Variants in ZNF354A observed in about 807,000 individuals in gnomAD.
ZNF354A encodes zinc finger protein 354A.
Under a neutral mutation model 53.3 loss-of-function variants are expected in ZNF354A, and 25 were observed. The observed-to-expected ratio is 0.47, with a 90% CI of 0.34 to 0.66. ZNF354A has a LOEUF of 0.66. Ranked by LOEUF, ZNF354A falls within the 30% of genes least tolerant of loss-of-function variation. The probability of loss-of-function intolerance (pLI) is 0.01; values close to 1 mark genes in which losing one functional copy is unlikely to be tolerated. For synonymous variants in ZNF354A, 228 were observed against 249.0 expected, an observed-to-expected ratio of 0.92 and a Z score of 0.79; for missense variants, 586 against 716.8, an observed-to-expected ratio of 0.82 and a Z score of 2.08.
Position 178,713,130 on chromosome 5 carries a change from C to T in ZNF354A, c.748G>A (p.Ala250Thr). The T allele has an allele frequency of 6.2e-7, 1 of 1,614,074 alleles. No homozygotes were observed. The highest frequency in any genetic ancestry group is 8.5e-7 in the Non-Finnish European group (1 of 1,180,008). ...ATAAGAGCTGAACTTTGGCTAAAGGCTTTTGAACATTCTTTACACTTAAAT... is the reference window on the plus strand; with the variant it reads ...ATAAGAGCTGAACTTTGGCTAAAGGTTTTTGAACATTCTTTACACTTAAAT... ...KLFKCKECSK[A>T]FSQSSALIQH... The change falls in exon 5 of 5, where the codon GCC becomes ACC. Residue 250 changes from alanine to threonine, a missense_variant. Ala to Thr is a moderately conservative substitution (Grantham distance 58). Coordinates refer to ENST00000335815, the MANE Select transcript of ZNF354A (RefSeq NM_005649.3).
At position 178,713,306 on chromosome 5, in the gene ZNF354A, AT is replaced by A; in HGVS notation, c.571del (p.Ile191TyrfsTer72). ...ATTCTGTTTGAGGCTGTTTCCTTGTATTTCACATTTTGGTGGTGTTTTTTCT... is the reference window on the plus strand; with the variant it reads ...ATTCTGTTTGAGGCTGTTTCCTTGTATTCACATTTTGGTGGTGTTTTTTCT... ...PREKTPPKCE[I>X]QGNSLKQNSQ... On this transcript the variant is annotated frameshift_variant, in exon 5 of 5. Coordinates refer to ENST00000335815, the MANE Select transcript of ZNF354A (RefSeq NM_005649.3). LOFTEE classifies it high-confidence loss of function. 1 of 1,614,072 alleles carries A rather than the reference AT, an allele frequency of 6.2e-7. No homozygotes were observed. Among genetic ancestry groups the A allele is most frequent in the Non-Finnish European group, 8.5e-7 (1 of 1,180,014 alleles).
rs1052631310 is a variant in ZNF354A at position 178,711,741 on chromosome 5, T to G, written c.*319A>C. On this transcript the variant is annotated 3_prime_UTR_variant, in exon 5 of 5. Transcript: ENST00000335815. The stretch of plus-strand genomic sequence containing the variant: ...GCACACCTCCCCACCCACTCGGATA[T>G]CTGTTTCTGATGATCACGTGACATC... 1 of 201,010 alleles carries G rather than the reference T, an allele frequency of 5.0e-6. No individual in the cohort carries two copies. Among genetic ancestry groups the G allele is most frequent in the Non-Finnish European group, 1.0e-5 (1 of 98,402 alleles). 12.5% of individuals were successfully genotyped at this position (201,010 alleles called of 1,614,324 possible).
intron 4 of ZNF354A, among the ~76,000 whole-genome samples, chr5:178,713,855 G>A (rs1382050392): frequency 2.0e-5 from 3 of 152,076 alleles, no homozygotes; most frequent in African/African-American, 7.2e-5. Context: ...ATTTAAAGAG[G>A]GTGAGAAAGA....
In ZNF354A at chr5:178,730,605, C is replaced by G. The variant is rs1132325; in HGVS notation, c.-101G>C. The G allele has an allele frequency of 6.6e-6, 1 of 151,908 alleles. No homozygotes were observed. Among genetic ancestry groups the G allele is most frequent in the African/African-American group, 2.4e-5 (1 of 41,406 alleles). 9.4% of individuals were successfully genotyped at this position (151,908 alleles called of 1,614,324 possible). ...CCGCGCCTCCCCAGCCGCGAGGCTC[C>G]GGAACCGCCGGCCGGGATGCAGCCT... On this transcript the variant is annotated 5_prime_UTR_variant, in exon 1 of 5. Coordinates refer to ENST00000335815, the MANE Select transcript of ZNF354A (RefSeq NM_005649.3).
At chr5:178,730,014 C>A (rs1288217407) in intron 1 of ZNF354A, among the ~76,000 whole-genome samples, 1 of 152,060 alleles carries the variant, frequency 6.6e-6, no homozygotes, top group African/African-American at 2.4e-5. Flanking sequence ...CAGGCGCCCG[C>A]CACTACGCCC....
At chr5:178,726,089 G>T in intron 3 of ZNF354A, 1 of 438,164 alleles carries the variant, frequency 2.3e-6, no homozygotes, top group Non-Finnish European at 4.7e-6. Flanking sequence ...TGATCTGCCC[G>T]CCTCGGCCTC....
At chr5:178,718,392 T>C (rs1765753526) in intron 4 of ZNF354A, among the ~76,000 whole-genome samples, 1 of 152,212 alleles carries the variant, frequency 6.6e-6, no homozygotes, top group South Asian at 2.1e-4. Flanking sequence ...CACTTCCTGT[T>C]ATCAGGTCTA....
At chr5:178,713,738 G>A in intron 4 of ZNF354A, 117 bp from the exon 5 acceptor site, 2 of 1,293,574 alleles carry the variant, frequency 1.5e-6, no homozygotes, top group Non-Finnish European at 2.0e-6. Flanking sequence ...CCTGATATCT[G>A]TATGAAAAAA....
At chr5:178,714,403 T>C (rs909194254) in intron 4 of ZNF354A, among the ~76,000 whole-genome samples, 6 of 152,204 alleles carry the variant, frequency 3.9e-5, no homozygotes, top group South Asian at 2.1e-4. Context: ...CTCAATCCTT[T>C]GACTCTGAGC....
At chr5:178,730,025 G>A (rs1450488711) in intron 1 of ZNF354A, among the ~76,000 whole-genome samples, 1 of 151,984 alleles carries the variant, frequency 6.6e-6, no homozygotes, top group African/African-American at 2.4e-5. Flanking sequence ...CACTACGCCC[G>A]GCTAATTTTT....
chr5:178,713,222 CACAGACT>C lies in ZNF354A; in HGVS notation c.649_655del (p.Ser217ValfsTer44). 1 of 1,614,130 alleles carries C rather than the reference CACAGACT, an allele frequency of 6.2e-7. No homozygotes were observed. Among genetic ancestry groups the C allele is most frequent in the Non-Finnish European group, 8.5e-7 (1 of 1,180,014 alleles). On this transcript the variant is annotated frameshift_variant, in exon 5 of 5. Coordinates refer to ENST00000335815, the MANE Select transcript of ZNF354A (RefSeq NM_005649.3). LOFTEE classifies it high-confidence loss of function. ...TGAAGTGTTAATGAAGGTTTTTTCA[CACAGACT>C]ACATTTATAGCGTTTATCTGCTGTA...
At chr5:178,730,255 G>C (rs546131450) in intron 1 of ZNF354A, among the ~76,000 whole-genome samples, 1 of 152,250 alleles carries the variant, frequency 6.6e-6, no homozygotes, top group Admixed American at 6.5e-5. Flanking sequence ...GGGCCCGGCT[G>C]CGTCCGCCCT....
chr5:178,727,213 C>T, intron 2 of ZNF354A, 88 bp from the exon 3 acceptor site: 4 of 1,380,780 alleles, frequency 2.9e-6, no homozygotes, highest in Non-Finnish European at 3.9e-6. Context: ...ACCCGTGAAA[C>T]ACTTCCCATA....
At chr5:178,719,817 G>C (rs1189359323) in intron 4 of ZNF354A, among the ~76,000 whole-genome samples, 2 of 151,452 alleles carry the variant, frequency 1.3e-5, no homozygotes, top group Non-Finnish European at 3.0e-5. Context: ...CGTAGTGGCG[G>C]GCGCCTGTAG....
At chr5:178,725,880 G>A (rs377292265) in intron 3 of ZNF354A, among the ~76,000 whole-genome samples, 2 of 151,992 alleles carry the variant, frequency 1.3e-5, no homozygotes, top group East Asian at 3.9e-4. Flanking sequence ...GAGGAGTCTC[G>A]CTCTATTGCC....
At chr5:178,718,002 A>C (rs111835443) in intron 4 of ZNF354A, among the ~76,000 whole-genome samples, 19 of 152,296 alleles carry the variant, frequency 1.2e-4, no homozygotes, top group Middle Eastern at 3.4e-3. Context: ...CAAGAGCAGA[A>C]ACCCTTTTCA....
intron 2 of ZNF354A, among the ~76,000 whole-genome samples, 191 bp downstream of exon 2, chr5:178,728,799 A>AAAAAAAAAAAAG (rs1554094807): frequency 6.9e-6 from 1 of 145,870 alleles, no homozygotes; most frequent in African/African-American, 2.5e-5. Flanking sequence ...AAAAAAAAAA[A>AAAAAAAAAAAAG]AGAGAACCAC....
intron 4 of ZNF354A, among the ~76,000 whole-genome samples, chr5:178,723,478 C>T (rs1363030858): frequency 3.3e-5 from 5 of 152,236 alleles, no homozygotes; most frequent in Non-Finnish European, 7.3e-5. Context: ...CTTCTCCTCG[C>T]TGGCTTTGCT....
chr5:178,714,275 G>A lies in ZNF354A; in HGVS notation c.257-654C>T, dbSNP rs547715366. Among the ~76,000 whole-genome samples, 212 of 152,102 alleles carry A rather than the reference G, an allele frequency of 1.4e-3. 2 individuals are homozygous for A. Among genetic ancestry groups the A allele is most frequent in the African/African-American group, 4.6e-3 (190 of 41,500 alleles). On this transcript the variant is annotated intron_variant, in intron 4 of 4. Transcript: ENST00000335815. ...CCACCTCGGCCTCCCAAAGTGCTTG[G>A]ATTACAGGCATGAGCCACTGTGCTC...
Sources: gnomAD v4.1 joint callset for allele counts (sites outside exome capture counted in the v4.1 genomes callset) on GRCh38, gnomAD v4.1.1 for gene constraint, MANE v1.5 for transcripts, NCBI Gene and HGNC (gene_info 2026-07-23, HGNC 2026-07-21) for gene names.